Variants in CHRM5 observed in about 807,000 individuals in gnomAD.
CHRM5 encodes the protein muscarinic acetylcholine receptor M5.
CHRM5 carries 18 observed loss-of-function variants against 39.0 expected under a neutral mutation model. The observed-to-expected ratio is 0.46, with a 90% CI of 0.32 to 0.68. The LOEUF is 0.68. Ranked by LOEUF, CHRM5 falls within the 30% of genes least tolerant of loss-of-function variation. CHRM5 has a pLI of 0.04. For synonymous variants in CHRM5, 241 were observed against 246.3 expected (o/e 0.98, Z 0.20); for missense variants, 515 against 651.1 (o/e 0.79, Z 2.28).
chr15:33,981,531 A>G (rs1249138406), intron 1 of CHRM5, among the ~76,000 whole-genome samples: 1 of 152,178 alleles, frequency 6.6e-6, no homozygotes, highest in African/African-American at 2.4e-5. Flanking sequence ...TTCCCAAACA[A>G]TGAAATGGCT....
At position 34,064,045 on chromosome 15, in the gene CHRM5, C is replaced by T. The variant is rs146054258; in HGVS notation, c.1328C>T (p.Thr443Ile). The change falls in exon 3 of 3, where the codon ACA (threonine) becomes ATA (isoleucine). Residue 443 changes from threonine (T) to isoleucine (I), a missense_variant. Transcript: ENST00000383263. ...GTCAAAGAGAGGAAAGCAGCCCAGA[C>T]ACTGAGTGCCATTCTCCTGGCCTTC... is the stretch of plus-strand genomic sequence containing the variant. ...VLVKERKAAQTLSAILLAFII... is the reference protein window; with the variant it reads ...VLVKERKAAQILSAILLAFII... The T allele has an allele frequency of 2.5e-4, 404 of 1,614,056 alleles. No individual in the cohort carries two copies. Among genetic ancestry groups the T allele is most frequent in the Middle Eastern group, 3.3e-4 (2 of 6,084 alleles).
At position 34,062,743 on chromosome 15, in the gene CHRM5, C is replaced by T. The variant is rs772815473; in HGVS notation, c.26C>T (p.Ala9Val). The change falls in exon 3 of 3, where the codon GCA becomes GTA. Residue 9 changes from alanine (A) to valine (V), a missense_variant. By Grantham distance (64) the Ala-to-Val change is moderately conservative. Coordinates refer to ENST00000383263, the MANE Select transcript of CHRM5 (RefSeq NM_012125.4). Reference protein sequence around the residue: MEGDSYHNATTVNGTPVNH... With the variant: MEGDSYHNVTTVNGTPVNH... ...ATGGAAGGGGATTCTTACCACAATGCAACCACCGTCAATGGCACCCCAGTA... is the reference window on the plus strand; with the variant it reads ...ATGGAAGGGGATTCTTACCACAATGTAACCACCGTCAATGGCACCCCAGTA... The T allele has an allele frequency of 6.2e-6, 10 of 1,612,274 alleles. No homozygotes were observed. Among genetic ancestry groups the T allele is most frequent in the Non-Finnish European group, 7.6e-6 (9 of 1,178,944 alleles).
chr15:33,972,319 AAAAT>A (rs1235877995), intron 1 of CHRM5: 4 of 152,106 alleles, frequency 2.6e-5, no homozygotes, highest in Non-Finnish European at 5.9e-5. Context: ...TGCTACTCAG[AAAAT>A]TGAAAAATTA....
chr15:34,063,857 G>T lies in CHRM5; in HGVS notation c.1140G>T (p.Lys380Asn), dbSNP rs1161528987. 6.2e-7 allele frequency: 1 copy of T among 1,614,178 alleles called. No homozygotes were observed. The highest frequency in any genetic ancestry group is 8.5e-7 in the Non-Finnish European group (1 of 1,180,038). The change falls in exon 3 of 3, where the codon AAG becomes AAT. Residue 380 changes from lysine to asparagine, a missense_variant. Physicochemically the swap from Lys to Asn is moderately conservative, Grantham distance 94. Coordinates refer to ENST00000383263, the MANE Select transcript of CHRM5 (RefSeq NM_012125.4). This position sits in a 1 kb window ranked among gnomAD's most constrained non-coding sequence, Gnocchi z 4.1. ...AGAGTCAGAAATGTGTGGCCTATAAGTTCCGATTGGTGGTAAAAGCTGACG... is the reference window on the plus strand; with the variant it reads ...AGAGTCAGAAATGTGTGGCCTATAATTTCCGATTGGTGGTAAAAGCTGACG... ...RPKSQKCVAYKFRLVVKADGN... is the reference protein window; with the variant it reads ...RPKSQKCVAYNFRLVVKADGN...
At chr15:33,997,019 C>T (rs1028876054) in intron 1 of CHRM5, among the ~76,000 whole-genome samples, 8 of 152,136 alleles carry the variant, frequency 5.3e-5, no homozygotes, top group African/African-American at 9.7e-5. Flanking sequence ...TTAAATTACC[C>T]GATGGGGCTG....
intron 1 of CHRM5, among the ~76,000 whole-genome samples, chr15:34,024,302 T>C (rs1468736353): frequency 2.6e-5 from 4 of 151,982 alleles, no homozygotes; most frequent in African/African-American, 9.7e-5. Flanking sequence ...TGATAAATGG[T>C]ATCAAAATAA....
Position 34,029,517 on chromosome 15 carries a change from CAAAAAAAAAA to C in CHRM5, c.-407-17008_-407-16999del, listed in dbSNP as rs66519745. 5.2e-3 allele frequency among the ~76,000 whole-genome samples: 622 copies of C among 118,702 alleles called. 13 individuals carry two copies. The highest frequency in any genetic ancestry group is 0.044 in the Admixed American group (495 of 11,158). The allele number at this position is 118,702 out of a possible 152,430, so 77.9% of individuals were successfully genotyped here. On this transcript the variant is annotated intron_variant, in intron 1 of 2. Coordinates refer to ENST00000383263, the MANE Select transcript of CHRM5 (RefSeq NM_012125.4). ...GCAACATAGGTAGACCCTATTTCTA[CAAAAAAAAAA>C]AAAAAAAAAAAAAATTGAAAAGGAA...
At chr15:34,034,619 T>C (rs1392102521) in intron 1 of CHRM5, among the ~76,000 whole-genome samples, 1 of 152,212 alleles carries the variant, frequency 6.6e-6, no homozygotes, top group Non-Finnish European at 1.5e-5. Context: ...CCAAAATTTT[T>C]TTAGGCAGAA....
intron 2 of CHRM5, among the ~76,000 whole-genome samples, chr15:34,049,947 G>A (rs1899874420): frequency 6.6e-6 from 1 of 151,038 alleles, no homozygotes; most frequent in South Asian, 2.1e-4. Context: ...GAGTGCAGTG[G>A]CACAATCTCA....
rs1900531885 is a variant in CHRM5, at chr15:34,067,072, C to G, written c.*2756C>G. The G allele has an allele frequency of 6.6e-6, 1 of 152,274 alleles. No individual in the cohort carries two copies. The highest frequency in any genetic ancestry group is 2.1e-4 in the South Asian group (1 of 4,826). The allele number at this position is 152,274 out of a possible 1,614,324, so 9.4% of individuals were successfully genotyped here. On this transcript the variant is annotated 3_prime_UTR_variant, in exon 3 of 3. Transcript: ENST00000383263. Reference sequence around the variant, plus strand: ...TTGAGATCTTAGGCCTTCTATGCCCCCAGTCTTCCAGGCTTTGTCTATAGT... The same window carrying G: ...TTGAGATCTTAGGCCTTCTATGCCCGCAGTCTTCCAGGCTTTGTCTATAGT...
At chr15:33,988,796 CAAG>C (rs1371011324) in intron 1 of CHRM5, among the ~76,000 whole-genome samples, 1 of 152,194 alleles carries the variant, frequency 6.6e-6, no homozygotes, top group Non-Finnish European at 1.5e-5. Context: ...TCCCATGCAG[CAAG>C]AAGGACCATT....
At position 34,034,414 on chromosome 15, in the gene CHRM5, G is replaced by T. The variant is rs375321139; in HGVS notation, c.-407-12126G>T. 1.3e-3 allele frequency among the ~76,000 whole-genome samples: 193 copies of T among 148,616 alleles called. 2 individuals carry two copies. The highest frequency in any genetic ancestry group is 4.5e-3 in the African/African-American group (181 of 40,486). ...TTTGCTCACACTACTGCACTCCAGC[G>T]TGAGCAACAAAGTGAGACCCAGTTT... On this transcript the variant is annotated intron_variant, in intron 1 of 2. Transcript: ENST00000383263.
chr15:34,015,532 A>T (rs1897858497), intron 1 of CHRM5, among the ~76,000 whole-genome samples: 1 of 152,220 alleles, frequency 6.6e-6, no homozygotes, highest in African/African-American at 2.4e-5. Context: ...AAAATGTTTT[A>T]TTATAATACA....
chr15:34,028,854 T>A (rs534261313), intron 1 of CHRM5, among the ~76,000 whole-genome samples: 54 of 151,578 alleles, frequency 3.6e-4, no homozygotes, highest in Non-Finnish European at 6.0e-4. Context: ...GGCCACCACA[T>A]TGTACCTTCA....
chr15:33,994,407 G>A (rs1476012054), intron 1 of CHRM5, among the ~76,000 whole-genome samples: 2 of 152,162 alleles, frequency 1.3e-5, no homozygotes, highest in African/African-American at 4.8e-5. Flanking sequence ...CTACATTATG[G>A]TGAGTTGTAT....
chr15:34,025,489 T>A (rs1898416449), intron 1 of CHRM5, among the ~76,000 whole-genome samples: 1 of 152,134 alleles, frequency 6.6e-6, no homozygotes, highest in South Asian at 2.1e-4. Flanking sequence ...CTCTTAAGTG[T>A]CCCTTCATCC....
At chr15:34,020,247 C>T (rs1898145418) in intron 1 of CHRM5, among the ~76,000 whole-genome samples, 1 of 151,758 alleles carries the variant, frequency 6.6e-6, no homozygotes, top group South Asian at 2.1e-4. Context: ...GGAGGCGGAG[C>T]TTGCAGTTAG....
At chr15:34,012,613 TA>T (rs1252400288) in intron 1 of CHRM5, among the ~76,000 whole-genome samples, 7 of 152,216 alleles carry the variant, frequency 4.6e-5, no homozygotes, top group Admixed American at 4.6e-4. Context: ...TCTACCAGCG[TA>T]AGTCTGGTTT....
intron 1 of CHRM5, among the ~76,000 whole-genome samples, chr15:34,028,756 TTTC>T (rs1395353808): frequency 1.4e-4 from 21 of 152,250 alleles, no homozygotes; most frequent in African/African-American, 4.8e-4. Flanking sequence ...TTTCAGTAAC[TTTC>T]CTGAGATTTT....
Sources: gnomAD v4.1 joint callset for allele counts (sites outside exome capture counted in the v4.1 genomes callset) on GRCh38, gnomAD v4.1.1 for gene constraint, Gnocchi (gnomAD v3.1) non-coding constraint, MANE v1.5 for transcripts, NCBI Gene and HGNC (gene_info 2026-07-23, HGNC 2026-07-21) for gene names.